The following CMC1 variants were observed in gnomAD, a reference collection of about 807,000 sequenced individuals.
CMC1 encodes COX assembly mitochondrial protein homolog.
Under a neutral mutation model 14.1 loss-of-function variants are expected in CMC1, and 14 were observed. The ratio of observed to expected loss-of-function variants is 0.99; its 90% confidence interval spans 0.66 to 1.55. CMC1 has a LOEUF of 1.55. Among genes scored for constraint, CMC1 ranks in the 40% most tolerant of loss-of-function variants. CMC1 has a pLI of 0.00. For missense variants in CMC1, 127 were observed against 123.8 expected (o/e 1.03, Z -0.12); for synonymous variants, 50 against 38.4 (o/e 1.30, Z -1.12).
intron 1 of CMC1, among the ~76,000 whole-genome samples, chr3:28,260,903 A>G (rs1028981239): frequency 6.6e-6 from 1 of 152,118 alleles, no homozygotes; most frequent in East Asian, 1.9e-4. Context: ...GATTATCCGG[A>G]GATCTGTTAT....
At chr3:28,241,861 C>A in intron 1 of CMC1, 49 bp downstream of exon 1, 2 of 1,234,738 alleles carry the variant, frequency 1.6e-6, no homozygotes, top group South Asian at 8.2e-5. Context: ...CCCCGGGTCT[C>A]ACGCCGCGGG....
intron 2 of CMC1, among the ~76,000 whole-genome samples, chr3:28,274,222 T>TTTTG (rs1553615950): frequency 3.5e-5 from 5 of 141,502 alleles, no homozygotes; most frequent in South Asian, 2.4e-4. Flanking sequence ...GTTTTTTTCT[T>TTTTG]TTTTTTTTTT....
chr3:28,275,000 A>G (rs952412586), intron 2 of CMC1, among the ~76,000 whole-genome samples: 1 of 152,074 alleles, frequency 6.6e-6, no homozygotes, highest in African/African-American at 2.4e-5. Context: ...GCAATGTTTT[A>G]TCATGGTCCT....
chr3:28,301,211 A>G (rs1184950972), intron 2 of CMC1, among the ~76,000 whole-genome samples: 1 of 152,084 alleles, frequency 6.6e-6, no homozygotes, highest in East Asian at 1.9e-4. Context: ...TTCCTTACAG[A>G]TGGGAACCTA....
intron 1 of CMC1, among the ~76,000 whole-genome samples, chr3:28,255,627 A>G (rs1465876708): frequency 6.6e-6 from 1 of 151,536 alleles, no homozygotes; most frequent in Non-Finnish European, 1.5e-5. Flanking sequence ...GCAAATTATG[A>G]CCTATGGGCT....
At position 28,321,469 on chromosome 3, in the gene CMC1, T is replaced by G. The variant is rs1320199170; in HGVS notation, c.*1840T>G. 3 of 151,424 alleles carry G rather than the reference T, an allele frequency of 2.0e-5. No homozygotes were observed. The highest frequency in any genetic ancestry group is 7.3e-5 in the African/African-American group (3 of 41,356). 9.4% of individuals were successfully genotyped at this position (151,424 alleles called of 1,614,324 possible). A position where few individuals can be genotyped will look rare whatever the true frequency, so the allele number is the denominator to read the frequency against. ...TGTTCATCCTCCTTATGTCAAAGACTAAACCATTCATTGTAGCCTTCAGAA... is the reference window on the plus strand; with the variant it reads ...TGTTCATCCTCCTTATGTCAAAGACGAAACCATTCATTGTAGCCTTCAGAA... On this transcript the variant is annotated 3_prime_UTR_variant, in exon 4 of 4. Transcript: ENST00000466830.
intron 2 of CMC1, among the ~76,000 whole-genome samples, chr3:28,280,433 A>G (rs2125516478): frequency 6.6e-6 from 1 of 152,266 alleles, no homozygotes. Context: ...CAAATATTGA[A>G]CTCTTATCAC....
intron 2 of CMC1, among the ~76,000 whole-genome samples, chr3:28,278,688 G>A (rs1035011926): frequency 6.6e-6 from 1 of 152,158 alleles, no homozygotes; most frequent in Admixed American, 6.5e-5. Flanking sequence ...ATACAGTGGG[G>A]AATAGAAAGA....
intron 2 of CMC1, chr3:28,314,934 C>T (rs1702816823): frequency 6.6e-6 from 1 of 152,086 alleles, no homozygotes; most frequent in Non-Finnish European, 1.5e-5. Context: ...ACACATAGCT[C>T]AAGAAAAGAG....
intron 3 of CMC1, chr3:28,317,864 T>G (rs1046389858): frequency 6.6e-6 from 1 of 151,968 alleles, no homozygotes; most frequent in African/African-American, 2.4e-5. Context: ...ATTATTTATC[T>G]GAATATTAAT....
chr3:28,293,223 C>CTG (rs1223894180), intron 2 of CMC1, among the ~76,000 whole-genome samples: 2 of 151,772 alleles, frequency 1.3e-5, no homozygotes, highest in African/African-American at 2.4e-5. Flanking sequence ...TGTGGTTGTT[C>CTG]TGTGTATGGG....
intron 1 of CMC1, among the ~76,000 whole-genome samples, chr3:28,257,579 T>C (rs1699480082): frequency 6.6e-6 from 1 of 152,158 alleles, no homozygotes; most frequent in Non-Finnish European, 1.5e-5. Context: ...AGTGCAGTGA[T>C]GCCATCTTGG....
chr3:28,249,571 C>A (rs1378539457), intron 1 of CMC1, among the ~76,000 whole-genome samples: 1 of 152,098 alleles, frequency 6.6e-6, no homozygotes, highest in East Asian at 1.9e-4. Flanking sequence ...TTTGGGGAGC[C>A]TTAAAAAATA....
intron 2 of CMC1, among the ~76,000 whole-genome samples, chr3:28,306,226 G>A (rs575466367): frequency 3.3e-5 from 5 of 152,242 alleles, no homozygotes; most frequent in Non-Finnish European, 5.9e-5. Context: ...TGTGAAAAAT[G>A]ACATTGGTAA....
At chr3:28,293,005 A>T (rs576681061) in intron 2 of CMC1, 1 of 152,178 alleles carries the variant, frequency 6.6e-6, no homozygotes, top group Non-Finnish European at 1.5e-5. Context: ...CTGGTTGTCC[A>T]TACTATTGAG....
At position 28,321,175 on chromosome 3, in the gene CMC1, GA is replaced by G. The variant is rs1703175384; in HGVS notation, c.*1549del. 6.6e-6 allele frequency: 1 copy of G among 151,356 alleles called. No individual in the cohort carries two copies. The highest frequency in any genetic ancestry group is 2.1e-4 in the South Asian group (1 of 4,834). 9.4% of individuals were successfully genotyped at this position (151,356 alleles called of 1,614,324 possible). On this transcript the variant is annotated 3_prime_UTR_variant, in exon 4 of 4. Coordinates refer to ENST00000466830, the MANE Select transcript of CMC1 (RefSeq NM_182523.2). ...AGCAGACAAAAGCAAAGCAAATATA[GA>G]AATCTAGAGACCACACAGCATAGGG... is the stretch of plus-strand genomic sequence containing the variant.
chr3:28,292,398 CT>C (rs1701519147), intron 2 of CMC1, among the ~76,000 whole-genome samples: 1 of 151,922 alleles, frequency 6.6e-6, no homozygotes, highest in Non-Finnish European at 1.5e-5. Flanking sequence ...TAGAAAATTT[CT>C]TTTTCTCCTT....
rs35779568 is a variant in CMC1, at chr3:28,324,447, G to A, written c.*4818G>A. On this transcript the variant is annotated 3_prime_UTR_variant, in exon 4 of 4. Transcript: ENST00000466830. ...CAAGGTCTTCACTGCATCCTACAGG[G>A]GCACAGGCTAAAAAGAAAACACAGA... is the stretch of plus-strand genomic sequence containing the variant. 1.1e-4 allele frequency: 160 copies of A among 1,469,274 alleles called. No homozygotes were observed. Among genetic ancestry groups the A allele is most frequent in the Admixed American group, 7.5e-4 (32 of 42,716 alleles). The allele number at this position is 1,469,274 out of a possible 1,614,324, so 91.0% of individuals were successfully genotyped here. A position where few individuals can be genotyped will look rare whatever the true frequency, so the allele number is the denominator to read the frequency against.
At chr3:28,260,732 C>T (rs1212743302) in intron 1 of CMC1, among the ~76,000 whole-genome samples, 1 of 151,988 alleles carries the variant, frequency 6.6e-6, no homozygotes, top group Admixed American at 6.6e-5. Context: ...TTTAGTGCTA[C>T]AAATTTCCTG....
Sources: gnomAD v4.1 joint callset for allele counts (sites outside exome capture counted in the v4.1 genomes callset) on GRCh38, gnomAD v4.1.1 for gene constraint, MANE v1.5 for transcripts, NCBI Gene and HGNC (gene_info 2026-07-23, HGNC 2026-07-21) for gene names.